Variants in SYF2 observed in about 807,000 individuals in gnomAD.
The protein encoded by SYF2 is SYF2 pre-mRNA splicing factor, also known as pre-mRNA-splicing factor SYF2.
In SYF2, 21 loss-of-function variants were observed where a neutral mutation model predicts 32.7. The ratio of observed to expected loss-of-function variants is 0.64; its 90% confidence interval spans 0.45 to 0.92. SYF2 has a LOEUF of 0.92. SYF2 is among the 40% of genes least tolerant of loss of function. The pLI is 0.00. For missense variants in SYF2, 278 were observed against 296.5 expected (o/e 0.94, Z 0.46); for synonymous variants, 114 against 103.9 (o/e 1.10, Z -0.59).
At chr1:25,228,083 C>T (rs1483426501) in intron 4 of SYF2, 35 bp downstream of exon 4, 20 of 1,511,330 alleles carry the variant, frequency 1.3e-5, no homozygotes, top group Non-Finnish European at 1.8e-5. Flanking sequence ...TGACTAACAG[C>T]CCAGTCAATA....
intron 5 of SYF2, among the ~76,000 whole-genome samples, chr1:25,226,226 C>A (rs915080190): frequency 6.6e-6 from 1 of 152,134 alleles, no homozygotes; most frequent in Admixed American, 6.5e-5. Flanking sequence ...TACGCCAACA[C>A]CTTCACTGTA....
chr1:25,231,825 A>G (rs970917735), intron 2 of SYF2: 17 of 527,946 alleles, frequency 3.2e-5, no homozygotes, highest in Non-Finnish European at 4.8e-5. Context: ...ATCACGGAGC[A>G]GGGAGGTTGT....
At chr1:25,228,899 C>T in intron 3 of SYF2, 99 bp downstream of exon 3, 1 of 1,432,488 alleles carries the variant, frequency 7.0e-7, no homozygotes, top group South Asian at 1.4e-5. Context: ...ATTCTGGCAG[C>T]TTGGCCTAAG....
intron 2 of SYF2, 65 bp downstream of exon 2, chr1:25,232,039 C>A: frequency 6.7e-7 from 1 of 1,501,162 alleles, no homozygotes; most frequent in South Asian, 1.2e-5. Context: ...CTTCCTCGTC[C>A]CCTCTACAAA....
intron 3 of SYF2, 24 bp from the exon 4 acceptor site, chr1:25,228,259 A>G: frequency 2.6e-6 from 4 of 1,563,310 alleles, no homozygotes; most frequent in Non-Finnish European, 3.5e-6. Context: ...AAAAGCTGAC[A>G]CCTACAATTA....
At chr1:25,229,592 T>A (rs1272959006) in intron 2 of SYF2, among the ~76,000 whole-genome samples, 1 of 151,950 alleles carries the variant, frequency 6.6e-6, no homozygotes, top group Non-Finnish European at 1.5e-5. Context: ...CTGGCCAACA[T>A]GGTGAAACCC....
chr1:25,225,189 T>C, intron 5 of SYF2, 89 bp from the exon 6 acceptor site: 1 of 851,452 alleles, frequency 1.2e-6, no homozygotes, highest in South Asian at 1.4e-5. Flanking sequence ...GATAAGAAAG[T>C]ATACACATAC....
At chr1:25,232,024 T>G (rs2124514755) in intron 2 of SYF2, 80 bp downstream of exon 2, 1 of 1,369,122 alleles carries the variant, frequency 7.3e-7, no homozygotes, top group Non-Finnish European at 1.0e-6. Flanking sequence ...GACGCAGTGG[T>G]GTGGCTTCCT....
At chr1:25,228,822 G>A (rs1638569084) in intron 3 of SYF2, among the ~76,000 whole-genome samples, 176 bp downstream of exon 3, 1 of 152,188 alleles carries the variant, frequency 6.6e-6, no homozygotes, top group African/African-American at 2.4e-5. Context: ...AGAAAACAGA[G>A]GTACAGAGAA....
chr1:25,227,995 G>T, intron 4 of SYF2, 123 bp downstream of exon 4: 3 of 714,028 alleles, frequency 4.2e-6, no homozygotes, highest in South Asian at 2.2e-5. Context: ...TACTTTTCTT[G>T]GTCTTAAGCC....
intron 3 of SYF2, 63 bp downstream of exon 3, chr1:25,228,935 G>T (rs1351640556): frequency 1.3e-6 from 2 of 1,568,244 alleles, no homozygotes; most frequent in East Asian, 4.5e-5. Context: ...CCACCATGTT[G>T]TAGTGTCTTG....
Position 25,232,482 on chromosome 1 carries a change from C to A in SYF2, c.-15G>T, listed in dbSNP as rs776824715. The A allele has an allele frequency of 8.7e-6, 14 of 1,614,112 alleles. No individual in the cohort carries two copies. Among genetic ancestry groups the A allele is most frequent in the Admixed American group, 1.7e-5 (1 of 60,004 alleles). On this transcript the variant is annotated 5_prime_UTR_variant, in exon 1 of 7. Coordinates refer to ENST00000236273, the MANE Select transcript of SYF2 (RefSeq NM_015484.5). The stretch of plus-strand genomic sequence containing the variant: ...ATAGCCGCCATCACAACCTTTCTCT[C>A]TTCCCACTTCCGGCAACAAGATAGA...
rs778390426 is a variant in SYF2 at position 25,232,216 on chromosome 1, G to C, written c.25-5C>G. 1 of 1,612,578 alleles carries C rather than the reference G, an allele frequency of 6.2e-7. No homozygotes were observed. The highest frequency in any genetic ancestry group is 1.1e-5 in the South Asian group (1 of 90,906). On this transcript the variant is annotated splice_region_variant and splice_polypyrimidine_tract_variant and intron_variant, in intron 1 of 6. Transcript: ENST00000236273. ...CTCCGCGCTGTCCACCAGCACCTGC[G>C]ACAAGGAGAACTGGCTTCAGGCAGA...
chr1:25,225,534 A>T (rs1165177343), intron 5 of SYF2, among the ~76,000 whole-genome samples: 1 of 151,148 alleles, frequency 6.6e-6, no homozygotes, highest in East Asian at 2.0e-4. Context: ...TCTCAAAAAA[A>T]AAAATTTTTT....
At chr1:25,228,305 G>A in intron 3 of SYF2, 70 bp from the exon 4 acceptor site, 1 of 1,263,606 alleles carries the variant, frequency 7.9e-7, no homozygotes, top group Non-Finnish European at 1.1e-6. Flanking sequence ...TTTACATCAA[G>A]AAAGATCCAA....
At chr1:25,226,219 G>A (rs983726538) in intron 5 of SYF2, among the ~76,000 whole-genome samples, 22 of 151,948 alleles carry the variant, frequency 1.4e-4, no homozygotes, top group Admixed American at 9.2e-4. Context: ...CATCATCTAC[G>A]CCAACACCTT....
Position 25,227,454 on chromosome 1 carries a change from A to T in SYF2, c.455T>A (p.Leu152Gln). The T allele has an allele frequency of 6.2e-7, 1 of 1,613,496 alleles. No homozygotes were observed. The highest frequency in any genetic ancestry group is 8.5e-7 in the Non-Finnish European group (1 of 1,179,794). ...AAAAAGGACTTACTGTTTTTCTCTC[A>T]GTCTCTCATATGTTTCCATGTCAGG... ...IKPDMETYER[L>Q]REKHGEEFFP... is the part of the protein sequence containing the mutation. Residue 152 changes from leucine to glutamine, a missense_variant, in exon 5 of 7, where the codon CTG becomes CAG. Coordinates refer to ENST00000236273, the MANE Select transcript of SYF2 (RefSeq NM_015484.5).
chr1:25,229,381 C>T (rs1051268584), intron 2 of SYF2, among the ~76,000 whole-genome samples: 3 of 152,168 alleles, frequency 2.0e-5, no homozygotes, highest in Non-Finnish European at 4.4e-5. Context: ...TCAGCTTTGC[C>T]TCTATTGAGT....
chr1:25,226,891 G>A (rs1315320642), intron 5 of SYF2, among the ~76,000 whole-genome samples: 1 of 152,024 alleles, frequency 6.6e-6, no homozygotes, highest in Non-Finnish European at 1.5e-5. Context: ...TGATGTGGGA[G>A]GATCCCTTGA....
Sources: allele counts gnomAD v4.1 joint callset (sites outside exome capture counted in the v4.1 genomes callset), GRCh38; gene constraint gnomAD v4.1.1; transcripts MANE v1.5; gene names NCBI Gene and HGNC (gene_info 2026-07-23, HGNC 2026-07-21).